Variants in NXPH1 observed in about 807,000 individuals in gnomAD.
NXPH1 encodes the protein neurexophilin-1.
NXPH1 carries 5 observed loss-of-function variants against 23.7 expected under a neutral mutation model. The ratio of observed to expected loss-of-function variants is 0.21; its 90% CI spans 0.11 to 0.44. NXPH1 has a LOEUF of 0.44. NXPH1 is among the 20% of genes least tolerant of loss of function. The probability of loss-of-function intolerance (pLI) is 0.99; values close to 1 mark genes in which losing one functional copy is unlikely to be tolerated. For missense variants in NXPH1, 324 were observed against 321.6 expected (o/e 1.01, Z -0.06); for synonymous variants, 144 against 122.2 (o/e 1.18, Z -1.18).
intron 2 of NXPH1, among the ~76,000 whole-genome samples, chr7:8,723,397 G>T (rs1780000439): frequency 6.6e-6 from 1 of 152,160 alleles, no homozygotes; most frequent in Non-Finnish European, 1.5e-5. Context: ...GCCACTAAGA[G>T]ACCATACTCA....
intron 2 of NXPH1, among the ~76,000 whole-genome samples, chr7:8,494,868 C>A (rs967901831): frequency 3.9e-5 from 6 of 152,034 alleles, no homozygotes; most frequent in African/African-American, 7.2e-5. Flanking sequence ...GAACATGATC[C>A]TAAGAGTCAG....
In NXPH1 at chr7:8,751,058, A is replaced by G; in HGVS notation, c.105A>G (p.Ser35=). Residue 35 remains serine, a synonymous_variant, in exon 3 of 3, where the codon TCA becomes TCG. Coordinates refer to ENST00000405863, the MANE Select transcript of NXPH1 (RefSeq NM_152745.3). The surrounding 1 kb of genome is among the most constrained non-coding windows in gnomAD (Gnocchi z 4.5). ...TNGGKSELLK[S]GSSKSTLKHI... is the part of the protein sequence containing the mutation. ...GTGGAAAGTCAGAACTTCTGAAATC[A>G]GGAAGCAGCAAATCCACACTAAAGC... The G allele has an allele frequency of 1.2e-6, 2 of 1,613,864 alleles. No homozygotes were observed. Among genetic ancestry groups the G allele is most frequent in the Non-Finnish European group, 1.7e-6 (2 of 1,179,770 alleles).
At chr7:8,459,099 T>C (rs1459335267) in intron 2 of NXPH1, among the ~76,000 whole-genome samples, 2 of 151,228 alleles carry the variant, frequency 1.3e-5, no homozygotes, top group Non-Finnish European at 3.0e-5. Context: ...ATTTTTTTTT[T>C]CTTCCAAGGA....
chr7:8,733,451 G>A (rs7792879), intron 2 of NXPH1, among the ~76,000 whole-genome samples: 17 of 152,178 alleles, frequency 1.1e-4, no homozygotes, highest in Admixed American at 3.9e-4. Flanking sequence ...TTGAGGAATC[G>A]CCACACTGTC....
At chr7:8,626,089 C>T (rs1819980945) in intron 2 of NXPH1, among the ~76,000 whole-genome samples, 1 of 151,900 alleles carries the variant, frequency 6.6e-6, no homozygotes, top group Non-Finnish European at 1.5e-5. Flanking sequence ...TGGGAAGACC[C>T]ATTCTTTCTG....
intron 2 of NXPH1, among the ~76,000 whole-genome samples, chr7:8,618,359 T>C (rs1014109943): frequency 1.1e-4 from 17 of 152,202 alleles, no homozygotes; most frequent in African/African-American, 3.9e-4. Context: ...TTCTCAGAGC[T>C]GGCTTCATCA....
chr7:8,600,034 C>A (rs929798938), intron 2 of NXPH1, among the ~76,000 whole-genome samples: 1 of 151,724 alleles, frequency 6.6e-6, no homozygotes, highest in African/African-American at 2.4e-5. Flanking sequence ...GGGAAGGTGG[C>A]GTTGGTGGAG....
chr7:8,640,331 T>A (rs1820286871), intron 2 of NXPH1, among the ~76,000 whole-genome samples: 1 of 151,984 alleles, frequency 6.6e-6, no homozygotes, highest in Non-Finnish European at 1.5e-5. Context: ...GAATTAATAA[T>A]TCCATTAATG....
At chr7:8,470,004 A>G (rs968580692) in intron 2 of NXPH1, among the ~76,000 whole-genome samples, 9 of 152,150 alleles carry the variant, frequency 5.9e-5, no homozygotes, top group Non-Finnish European at 1.5e-5. Context: ...ACTGACCTCC[A>G]ACTGTATCTT....
intron 2 of NXPH1, among the ~76,000 whole-genome samples, chr7:8,731,633 G>A (rs1213952133): frequency 6.6e-6 from 1 of 152,218 alleles, no homozygotes; most frequent in Non-Finnish European, 1.5e-5. Context: ...GTTGGAGGGT[G>A]CCTCCCAGAT....
chr7:8,663,399 A>G (rs1202650886), intron 2 of NXPH1, among the ~76,000 whole-genome samples: 1 of 152,064 alleles, frequency 6.6e-6, no homozygotes, highest in Non-Finnish European at 1.5e-5. Context: ...AGTTTTTGTT[A>G]TCTGCCTAGC....
At chr7:8,643,037 G>A (rs1005581694) in intron 2 of NXPH1, among the ~76,000 whole-genome samples, 1 of 151,730 alleles carries the variant, frequency 6.6e-6, no homozygotes, top group Non-Finnish European at 1.5e-5. Flanking sequence ...GCTAATTTTC[G>A]TATTTTTAGT....
intron 2 of NXPH1, among the ~76,000 whole-genome samples, chr7:8,604,471 A>G (rs975723808): frequency 1.3e-5 from 2 of 152,034 alleles, no homozygotes; most frequent in Non-Finnish European, 2.9e-5. Flanking sequence ...TTCTTACTGT[A>G]TGATTTCCTT....
rs1024319414 is a variant in NXPH1 at position 8,590,532 on chromosome 7, G to T, written c.54+154765G>T. On this transcript the variant is annotated intron_variant, in intron 2 of 2. Transcript: ENST00000405863. ...TAATAGCGACAACACCTGCCTTACC[G>T]CAAGAATGTGGTGGTTTAAGATCCT... Among the ~76,000 whole-genome samples the T allele has an allele frequency of 2.0e-4, 31 of 152,034 alleles. 1 individual carries two copies. The highest frequency in any genetic ancestry group is 2.9e-5 in the Non-Finnish European group (2 of 67,968).
chr7:8,461,453 A>G (rs562331124), intron 2 of NXPH1, among the ~76,000 whole-genome samples: 12 of 152,320 alleles, frequency 7.9e-5, no homozygotes, highest in Admixed American at 7.2e-4. Context: ...TGAAGATGGT[A>G]TTATTAATGT....
intron 2 of NXPH1, among the ~76,000 whole-genome samples, chr7:8,458,658 G>A (rs1816639827): frequency 6.6e-6 from 1 of 152,150 alleles, no homozygotes; most frequent in South Asian, 2.1e-4. Context: ...GTTTCTTGAA[G>A]TCTCAGTTTT....
intron 2 of NXPH1, among the ~76,000 whole-genome samples, chr7:8,640,759 C>G (rs753284426): frequency 1.1e-4 from 17 of 152,058 alleles, no homozygotes; most frequent in Non-Finnish European, 2.2e-4. Context: ...GAGTTTGAAA[C>G]TAGCCTGGAC....
chr7:8,694,833 A>G (rs964949067), intron 2 of NXPH1, among the ~76,000 whole-genome samples: 1 of 152,236 alleles, frequency 6.6e-6, no homozygotes, highest in Non-Finnish European at 1.5e-5. Context: ...GATACATGAA[A>G]AAAAGTTGAA....
intron 2 of NXPH1, among the ~76,000 whole-genome samples, chr7:8,523,179 AC>A (rs1817801645): frequency 6.6e-6 from 1 of 152,194 alleles, no homozygotes; most frequent in Non-Finnish European, 1.5e-5. Context: ...CTTTGACTGC[AC>A]TGGACCTGAC....
Sources: allele counts gnomAD v4.1 joint callset (sites outside exome capture counted in the v4.1 genomes callset), GRCh38; gene constraint gnomAD v4.1.1; non-coding constraint Gnocchi (gnomAD v3.1); transcripts MANE v1.5; gene names NCBI Gene and HGNC (gene_info 2026-07-23, HGNC 2026-07-21).